Variants in CNOT6 observed in about 807,000 individuals in gnomAD.
The protein encoded by CNOT6 is CCR4-NOT transcription complex subunit 6.
CNOT6 carries 12 observed loss-of-function variants against 61.2 expected under a neutral mutation model. The ratio of observed to expected loss-of-function variants is 0.20; its 90% CI spans 0.13 to 0.32. CNOT6 has a LOEUF of 0.32. Ranked by LOEUF, CNOT6 falls within the 10% of genes least tolerant of loss-of-function variation. The pLI, the probability that CNOT6 is intolerant of heterozygous loss-of-function variation, is 1.00. For missense variants in CNOT6, 405 were observed against 663.9 expected (o/e 0.61, Z 4.28); for synonymous variants, 225 against 240.6 (o/e 0.94, Z 0.60).
chr5:180,550,073 A>T lies in CNOT6; in HGVS notation c.255A>T (p.Lys85Asn). ...TGTATTTGGACCTGTCATCTAATAA[A>T]ATTCGTAGCTTACCCGCAGAACTCG... ...NLVYLDLSSN[K>N]IRSLPAELGN... The change falls in exon 3 of 12, where the codon AAA becomes AAT. Residue 85 changes from lysine to asparagine, a missense_variant. Physicochemically the swap from Lys to Asn is moderately conservative, Grantham distance 94. This residue lies in a region of CNOT6 where 212 missense variants were observed against 307.1 expected (regional missense o/e 0.69). Coordinates refer to ENST00000261951, the MANE Select transcript of CNOT6 (RefSeq NM_001370472.1). The T allele has an allele frequency of 1.9e-6, 3 of 1,614,136 alleles. No homozygotes were observed. The South Asian group carries it at 3.3e-5, about 18-fold the overall frequency.
At chr5:180,551,554 A>G (rs1449963964) in intron 3 of CNOT6, among the ~76,000 whole-genome samples, 3 of 151,962 alleles carry the variant, frequency 2.0e-5, no homozygotes, top group Admixed American at 2.0e-4. Flanking sequence ...TATTATTATT[A>G]TTTTACTTCT....
chr5:180,568,703 G>C (rs749343790), intron 9 of CNOT6, among the ~76,000 whole-genome samples: 1 of 152,150 alleles, frequency 6.6e-6, no homozygotes, highest in Non-Finnish European at 1.5e-5. Context: ...TTGAGGAACA[G>C]TTGGAACTGG....
intron 1 of CNOT6, among the ~76,000 whole-genome samples, chr5:180,519,125 G>A (rs371867742): frequency 3.3e-5 from 5 of 152,218 alleles, no homozygotes; most frequent in Non-Finnish European, 7.3e-5. Context: ...GTAAGGAATC[G>A]TAGGTGCATC....
chr5:180,569,318 T>C lies in CNOT6; in HGVS notation c.1236T>C (p.Asp412=). The change falls in exon 10 of 12, where the codon GAT becomes GAC. Residue 412 remains aspartate (D), a synonymous_variant. Coordinates refer to ENST00000261951, the MANE Select transcript of CNOT6 (RefSeq NM_001370472.1). ...FGTIPLVLCA[D]LNSLPDSGVV... is the part of the protein sequence containing the mutation. ...CTATTCCACTTGTGTTATGTGCAGA[T>C]CTTAATTCTTTGCCAGACTCTGGTA... 15 of 1,610,774 alleles carry C rather than the reference T, an allele frequency of 9.3e-6. No individual in the cohort carries two copies. The highest frequency in any genetic ancestry group is 1.0e-5 in the Non-Finnish European group (12 of 1,177,388).
chr5:180,551,831 C>T (rs1437295247), intron 3 of CNOT6, among the ~76,000 whole-genome samples: 1 of 150,704 alleles, frequency 6.6e-6, no homozygotes, highest in African/African-American at 2.4e-5. Flanking sequence ...GTTTTTAGTC[C>T]TCTGAAACAA....
intron 2 of CNOT6, among the ~76,000 whole-genome samples, chr5:180,544,931 C>T (rs1195675258): frequency 6.6e-6 from 1 of 152,244 alleles, no homozygotes; most frequent in Admixed American, 6.5e-5. Flanking sequence ...CCACTGCACT[C>T]CAGCCTGGGT....
intron 1 of CNOT6, among the ~76,000 whole-genome samples, chr5:180,496,415 C>T (rs1019334360): frequency 2.6e-5 from 4 of 152,064 alleles, no homozygotes; most frequent in South Asian, 2.1e-4. Flanking sequence ...CGTGTGAGAG[C>T]GCATGAGTGT....
At chr5:180,567,815 C>CTGTGTG in intron 8 of CNOT6, 34 bp from the exon 9 acceptor site, 1 of 1,516,530 alleles carries the variant, frequency 6.6e-7, no homozygotes, top group South Asian at 1.2e-5. Flanking sequence ...ATTCCCAACT[C>CTGTGTG]TGTGTGTGTG....
intron 1 of CNOT6, among the ~76,000 whole-genome samples, chr5:180,499,521 A>G (rs181880603): frequency 2.0e-5 from 3 of 152,348 alleles, no homozygotes; most frequent in South Asian, 4.1e-4. Flanking sequence ...TTCTCATACA[A>G]CTGTTAATTT....
chr5:180,527,232 C>G (rs183034843), intron 1 of CNOT6, among the ~76,000 whole-genome samples: 1 of 152,080 alleles, frequency 6.6e-6, no homozygotes, highest in Non-Finnish European at 1.5e-5. Context: ...TCAGAAAAAC[C>G]AGATTTGTTT....
At chr5:180,528,805 C>T (rs1237793376) in intron 1 of CNOT6, among the ~76,000 whole-genome samples, 1 of 152,178 alleles carries the variant, frequency 6.6e-6, no homozygotes, top group Non-Finnish European at 1.5e-5. Flanking sequence ...TTGTTAGCTT[C>T]ACAGCTTGTT....
At chr5:180,523,081 A>G (rs1453510795) in intron 1 of CNOT6, among the ~76,000 whole-genome samples, 1 of 152,176 alleles carries the variant, frequency 6.6e-6, no homozygotes, top group Non-Finnish European at 1.5e-5. Context: ...AACTCCAGGT[A>G]GATACTGTCA....
intron 2 of CNOT6, among the ~76,000 whole-genome samples, chr5:180,539,825 A>G (rs113424066): frequency 0.064 from 9,782 of 151,780 alleles, 524 homozygotes; most frequent in East Asian, 0.25. Context: ...TCCTGACCTC[A>G]TGATCCGCCC....
chr5:180,566,116 A>C (rs1760438880), intron 7 of CNOT6, 139 bp downstream of exon 7: 1 of 771,676 alleles, frequency 1.3e-6, no homozygotes, highest in African/African-American at 1.8e-5. Flanking sequence ...GAATCCTGGG[A>C]GTACTGCCTG....
intron 2 of CNOT6, among the ~76,000 whole-genome samples, chr5:180,549,476 C>CT (rs1491376376): frequency 6.6e-6 from 1 of 151,960 alleles, no homozygotes; most frequent in Non-Finnish European, 1.5e-5. Context: ...CGTGAAACCC[C>CT]GTCTCTACTA....
intron 1 of CNOT6, among the ~76,000 whole-genome samples, chr5:180,528,456 G>A (rs1195036745): frequency 6.6e-6 from 1 of 151,804 alleles, no homozygotes; most frequent in Non-Finnish European, 1.5e-5. Context: ...GACTACAGGC[G>A]CCTGCCACCA....
chr5:180,498,419 G>A lies in CNOT6; in HGVS notation c.-3+3656G>A, dbSNP rs1756715252. ...ACAATAGAGAATGATTAAACTTGTG[G>A]AGGGTGTGGGGGCAGTTTACGGAAA... On this transcript the variant is annotated intron_variant, in intron 1 of 11. Coordinates refer to ENST00000261951, the MANE Select transcript of CNOT6 (RefSeq NM_001370472.1). 2.0e-5 allele frequency among the ~76,000 whole-genome samples: 3 copies of A among 152,200 alleles called. No homozygotes were observed. In the South Asian group the frequency reaches 6.2e-4, roughly 32 times the overall value.
intron 1 of CNOT6, among the ~76,000 whole-genome samples, chr5:180,517,560 T>C (rs552164298): frequency 6.6e-6 from 1 of 152,282 alleles, no homozygotes; most frequent in South Asian, 2.1e-4. Flanking sequence ...TTTTCTTCTT[T>C]TTTTGAGACA....
intron 3 of CNOT6, among the ~76,000 whole-genome samples, chr5:180,550,630 G>A (rs1467597031): frequency 1.3e-5 from 2 of 152,148 alleles, no homozygotes; most frequent in Non-Finnish European, 2.9e-5. Context: ...TTTAATTACT[G>A]TATTTTGTGT....
Sources: allele counts gnomAD v4.1 joint callset (sites outside exome capture counted in the v4.1 genomes callset), GRCh38; gene constraint gnomAD v4.1.1; regional missense constraint gnomAD v4.1.1; transcripts MANE v1.5; gene names NCBI Gene and HGNC (gene_info 2026-07-23, HGNC 2026-07-21).